Variants in NBPF11 observed in about 807,000 individuals in gnomAD.
NBPF11 encodes the protein NBPF family member NBPF11.
In NBPF11, 72 loss-of-function variants were observed where a neutral mutation model predicts 93.9. That is an observed-to-expected ratio of 0.77 (90% CI 0.63 to 0.93). NBPF11 has a LOEUF of 0.93. Ranked by LOEUF, NBPF11 falls within the 40% of genes least tolerant of loss-of-function variation. The probability of loss-of-function intolerance (pLI) is 0.00; values close to 1 mark genes in which losing one functional copy is unlikely to be tolerated. For synonymous variants in NBPF11, 224 were observed against 304.9 expected (o/e 0.73, Z 2.76); for missense variants, 705 against 802.2 (o/e 0.88, Z 1.46).
At chr1:148,125,693 C>A (rs1668954274) in intron 5 of NBPF11, among the ~76,000 whole-genome samples, 1 of 151,928 alleles carries the variant, frequency 6.6e-6, no homozygotes, top group Non-Finnish European at 1.5e-5. Context: ...TACACTGTGC[C>A]AATTAATGTT....
chr1:148,129,083 C>CACACGTGTATATATATATATAATATATAT (rs1669746480), intron 4 of NBPF11, among the ~76,000 whole-genome samples: 2 of 121,584 alleles, frequency 1.6e-5, no homozygotes, highest in African/African-American at 3.1e-5. Context: ...ACCAACATGG[C>CACACGTGTATATATATATATAATATATAT]ACACGTGTAT....
intron 12 of NBPF11, among the ~76,000 whole-genome samples, chr1:148,116,804 C>T (rs1666666959): frequency 6.6e-6 from 1 of 152,026 alleles, no homozygotes; most frequent in Non-Finnish European, 1.5e-5. Flanking sequence ...TGCAGCCTCT[C>T]TCTGGACTTT....
chr1:148,109,146 C>A (rs1664624080), intron 17 of NBPF11, 138 bp downstream of exon 17: 1 of 776,822 alleles, frequency 1.3e-6, no homozygotes, highest in African/African-American at 1.7e-5. Context: ...TAATGAGAAC[C>A]AAAAAACAAT....
intron 9 of NBPF11, among the ~76,000 whole-genome samples, 161 bp downstream of exon 9, chr1:148,121,894 G>A (rs1246745612): frequency 6.6e-6 from 1 of 151,642 alleles, no homozygotes; most frequent in Non-Finnish European, 1.5e-5. Flanking sequence ...CTCCCACTTG[G>A]GCCTTCCAAA....
intron 15 of NBPF11, among the ~76,000 whole-genome samples, chr1:148,112,037 G>T (rs1665406636): frequency 1.4e-5 from 2 of 146,960 alleles, no homozygotes; most frequent in East Asian, 4.0e-4. Flanking sequence ...AAGCCCATCA[G>T]ACTAGCAGCA....
intron 12 of NBPF11, among the ~76,000 whole-genome samples, chr1:148,117,086 A>G (rs1571433354): frequency 6.6e-6 from 1 of 151,952 alleles, no homozygotes; most frequent in African/African-American, 2.4e-5. Flanking sequence ...GAGGGGCTTC[A>G]TCTCATTTTG....
Position 148,103,841 on chromosome 1 carries a change from G to A in NBPF11, c.*55C>T, listed in dbSNP as rs1401312277. The A allele has an allele frequency of 1.9e-6, 3 of 1,611,350 alleles. No individual in the cohort carries two copies. Among genetic ancestry groups the A allele is most frequent in the Non-Finnish European group, 2.5e-6 (3 of 1,179,430 alleles). The stretch of plus-strand genomic sequence containing the variant: ...AGGTAGTTCAAAGTACATTGATGGA[G>A]TCGAATAATATCTATCCAGTGAGTC... On this transcript the variant is annotated 3_prime_UTR_variant, in exon 24 of 24. Coordinates refer to ENST00000682118, the MANE Select transcript of NBPF11 (RefSeq NM_001385469.3).
At chr1:148,131,158 AG>A (rs1220249611) in intron 4 of NBPF11, among the ~76,000 whole-genome samples, 8 of 147,550 alleles carry the variant, frequency 5.4e-5, no homozygotes, top group African/African-American at 2.1e-4. Context: ...AAATATTAAG[AG>A]GAAAAAAAAA....
intron 1 of NBPF11, chr1:148,146,691 C>T (rs1389073228): frequency 1.2e-6 from 2 of 1,611,918 alleles, no homozygotes; most frequent in Non-Finnish European, 1.7e-6. Context: ...GCAACCGTGT[C>T]TCCTGCATGT....
intron 16 of NBPF11, among the ~76,000 whole-genome samples, chr1:148,109,997 T>C (rs1346402058): frequency 6.8e-6 from 1 of 146,072 alleles, no homozygotes; most frequent in African/African-American, 2.6e-5. Context: ...ACAGACATGC[T>C]TTGGGAACAA....
Position 148,118,726 on chromosome 1 carries a change from A to T in NBPF11, c.989-4T>A. The stretch of plus-strand genomic sequence containing the variant: ...AGGTCTTTGCACTCTTCATATTCTG[A>T]GAAAAGACAGACACGCCTGCATCAG... On this transcript the variant is annotated splice_polypyrimidine_tract_variant and splice_region_variant and intron_variant, in intron 10 of 23. Coordinates refer to ENST00000682118, the MANE Select transcript of NBPF11 (RefSeq NM_001385469.3). The T allele has an allele frequency of 6.2e-7, 1 of 1,610,622 alleles. No individual in the cohort carries two copies.
At chr1:148,121,248 T>G (rs1667749502) in intron 9 of NBPF11, among the ~76,000 whole-genome samples, 1 of 151,760 alleles carries the variant, frequency 6.6e-6, no homozygotes, top group Non-Finnish European at 1.5e-5. Context: ...TTCGCCATCT[T>G]GGACAGGCTG....
At chr1:148,117,089 T>C (rs1202532421) in intron 12 of NBPF11, among the ~76,000 whole-genome samples, 2 of 151,922 alleles carry the variant, frequency 1.3e-5, no homozygotes, top group Admixed American at 6.6e-5. Flanking sequence ...GGGCTTCATC[T>C]CATTTTGGAA....
intron 10 of NBPF11, among the ~76,000 whole-genome samples, chr1:148,118,999 T>C (rs1667208627): frequency 7.4e-6 from 1 of 134,562 alleles, no homozygotes; most frequent in East Asian, 2.1e-4. Context: ...TCACAGTCCC[T>C]GAGGTCTGAC....
chr1:148,121,200 AT>A (rs1667739317), intron 9 of NBPF11, among the ~76,000 whole-genome samples: 1 of 151,598 alleles, frequency 6.6e-6, no homozygotes, highest in South Asian at 2.1e-4. Flanking sequence ...GCCAAGTAAC[AT>A]GACAGCTAAT....
At chr1:148,148,732 G>A (rs2149314289) in intron 1 of NBPF11, among the ~76,000 whole-genome samples, 1 of 152,110 alleles carries the variant, frequency 6.6e-6, no homozygotes, top group Middle Eastern at 3.4e-3. Flanking sequence ...AAGAGTGTCC[G>A]CTGTCCTGGC....
intron 1 of NBPF11, among the ~76,000 whole-genome samples, chr1:148,148,952 G>A (rs1434341917): frequency 1.3e-5 from 2 of 151,132 alleles, no homozygotes; most frequent in African/African-American, 2.5e-5. Flanking sequence ...CGCAGGGAAC[G>A]GGGCGGGGCC....
chr1:148,125,755 AG>A (rs1668969058), intron 5 of NBPF11, among the ~76,000 whole-genome samples: 1 of 151,962 alleles, frequency 6.6e-6, no homozygotes, highest in Non-Finnish European at 1.5e-5. Context: ...CAATTTACAG[AG>A]GTAGGCATTA....
chr1:148,122,698 C>A lies in NBPF11; in HGVS notation c.566+31G>T, dbSNP rs1553271885. The stretch of plus-strand genomic sequence containing the variant: ...CCTAGACATTTTCATATGTTACCAC[C>A]CATTACTTGCTCCTGAGTATTCAAT... On this transcript the variant is annotated intron_variant, in intron 8 of 23. Transcript: ENST00000682118. 8.7e-6 allele frequency: 14 copies of A among 1,606,246 alleles called. No individual in the cohort carries two copies. The South Asian group carries it at 1.3e-4, about 15-fold the overall frequency.
Sources: gnomAD v4.1 joint callset for allele counts (sites outside exome capture counted in the v4.1 genomes callset) on GRCh38, gnomAD v4.1.1 for gene constraint, MANE v1.5 for transcripts, NCBI Gene and HGNC (gene_info 2026-07-23, HGNC 2026-07-21) for gene names.